The following CBL variants were observed in gnomAD, a reference collection of about 807,000 sequenced individuals.
CBL encodes Cbl proto-oncogene, also known as E3 ubiquitin-protein ligase CBL.
In CBL, 45 loss-of-function variants were observed where a neutral mutation model predicts 96.9. The ratio of observed to expected loss-of-function variants is 0.46; its 90% CI spans 0.37 to 0.60. CBL has a LOEUF of 0.60. Ranked by LOEUF, CBL falls within the 20% of genes least tolerant of loss-of-function variation. The pLI, the probability that CBL is intolerant of heterozygous loss-of-function variation, is 0.00. For synonymous variants in CBL, 420 were observed against 426.8 expected (o/e 0.98, Z 0.20); for missense variants, 1,024 against 1,143.5 (o/e 0.90, Z 1.51).
intron 15 of CBL, 132 bp from the exon 16 acceptor site, chr11:119,299,363 C>T: frequency 2.5e-6 from 2 of 809,484 alleles, no homozygotes; most frequent in Non-Finnish European, 4.0e-6. Context: ...AAAACCCAGC[C>T]TTGTGACTGA....
At chr11:119,293,745 TAAAGA>T (rs1307822837) in intron 12 of CBL, among the ~76,000 whole-genome samples, 1 of 152,200 alleles carries the variant, frequency 6.6e-6, no homozygotes, top group African/African-American at 2.4e-5. Context: ...AAGTAATCTA[TAAAGA>T]AAAGAAGTTT....
Position 119,299,932 on chromosome 11 carries a change from A to C in CBL, c.*151A>C. On this transcript the variant is annotated 3_prime_UTR_variant, in exon 16 of 16. Transcript: ENST00000264033. ...TCACATCAGTGGTTCCAAGATTTCA[A>C]AGTGGTGAAATGAAAATGGAGCAGC... The C allele has an allele frequency of 2.5e-6, 2 of 790,910 alleles. No individual in the cohort carries two copies. The highest frequency in any genetic ancestry group is 1.4e-5 in the South Asian group (1 of 69,766). 49.0% of individuals were successfully genotyped at this position (790,910 alleles called of 1,614,324 possible). A position where few individuals can be genotyped will look rare whatever the true frequency, so the allele number is the denominator to read the frequency against.
chr11:119,268,007 A>G (rs978931805), intron 2 of CBL, among the ~76,000 whole-genome samples: 3 of 152,228 alleles, frequency 2.0e-5, no homozygotes, highest in African/African-American at 7.2e-5. Flanking sequence ...CGAGAAACAA[A>G]GAAGAGAGGC....
At chr11:119,244,857 A>G (rs1949613962) in intron 2 of CBL, among the ~76,000 whole-genome samples, 1 of 150,092 alleles carries the variant, frequency 6.7e-6, no homozygotes, top group Non-Finnish European at 1.5e-5. Context: ...TGGCCTGTTT[A>G]TTTTTGTGAG....
At chr11:119,274,777 C>A (rs2135300241) in intron 4 of CBL, 55 bp from the exon 5 acceptor site, 2 of 1,560,154 alleles carry the variant, frequency 1.3e-6, no homozygotes, top group Non-Finnish European at 1.8e-6. Flanking sequence ...TCATTGCCCT[C>A]TGAGTTGGTT....
At chr11:119,274,668 G>T (rs1251421964) in intron 4 of CBL, among the ~76,000 whole-genome samples, 164 bp from the exon 5 acceptor site, 1 of 151,450 alleles carries the variant, frequency 6.6e-6, no homozygotes, top group African/African-American at 2.4e-5. Context: ...GCTTTTCAGA[G>T]TTTTTAATCT....
chr11:119,207,183 T>C lies in CBL; in HGVS notation c.195+571T>C, dbSNP rs75540920. Among the ~76,000 whole-genome samples the C allele has an allele frequency of 5.9e-3, 891 of 152,244 alleles. 10 individuals are homozygous for C. The highest frequency in any genetic ancestry group is 0.02 in the African/African-American group (845 of 41,532). On this transcript the variant is annotated intron_variant, in intron 1 of 15. Transcript: ENST00000264033. ...ATGTAACACGAAGATAAAAGACATA[T>C]TGATGTTTAAGTGAGGCAAGGAAAG...
chr11:119,233,455 A>AACTCCTGACTTCAGGTGATCTGCCCGC (rs1273322167), intron 2 of CBL, among the ~76,000 whole-genome samples: 8 of 152,118 alleles, frequency 5.3e-5, no homozygotes, highest in Non-Finnish European at 8.8e-5. Context: ...GCTGGTCTCG[A>AACTCCTGACTTCAGGTGATCTGCCCGC]ACTCCTGACT....
chr11:119,297,109 C>T, intron 13 of CBL, 75 bp downstream of exon 13: 2 of 826,470 alleles, frequency 2.4e-6, no homozygotes, highest in Admixed American at 1.7e-5. Context: ...GCTTGGCTTG[C>T]TACCTGCACA....
intron 12 of CBL, among the ~76,000 whole-genome samples, chr11:119,295,015 A>G (rs891373263): frequency 8.5e-5 from 13 of 152,312 alleles, no homozygotes; most frequent in Admixed American, 7.8e-4. Context: ...TTATTTCACG[A>G]TTATACATCA....
At chr11:119,225,153 G>A (rs1270691295) in intron 1 of CBL, among the ~76,000 whole-genome samples, 1 of 151,880 alleles carries the variant, frequency 6.6e-6, no homozygotes, top group Non-Finnish European at 1.5e-5. Context: ...TATGAGTGCA[G>A]TGGCGTGATC....
chr11:119,227,065 A>G (rs1949464820), intron 1 of CBL, among the ~76,000 whole-genome samples: 1 of 152,192 alleles, frequency 6.6e-6, no homozygotes, highest in Non-Finnish European at 1.5e-5. Context: ...TTTCGACTTT[A>G]TGATGGTGCA....
chr11:119,228,163 T>G (rs943996392), intron 1 of CBL, among the ~76,000 whole-genome samples: 6 of 152,126 alleles, frequency 3.9e-5, no homozygotes, highest in African/African-American at 1.4e-4. Context: ...TTGCCCAGGC[T>G]AGAATATGGT....
intron 11 of CBL, among the ~76,000 whole-genome samples, chr11:119,286,075 G>A (rs1949982865): frequency 6.6e-6 from 1 of 152,150 alleles, no homozygotes; most frequent in Admixed American, 6.5e-5. Flanking sequence ...GAGGCGGGTG[G>A]ATCACCTGAG....
At chr11:119,235,359 C>G (rs993707029) in intron 2 of CBL, among the ~76,000 whole-genome samples, 1 of 151,778 alleles carries the variant, frequency 6.6e-6, no homozygotes, top group Admixed American at 6.6e-5. Flanking sequence ...AAGTGATCCG[C>G]CCGCCTTGGC....
rs140313356 is a variant in CBL at position 119,303,359 on chromosome 11, A to T, written c.*3578A>T. 6.0e-4 allele frequency: 140 copies of T among 233,468 alleles called. 1 individual carries two copies. Among genetic ancestry groups the T allele is most frequent in the Non-Finnish European group, 8.5e-4 (100 of 117,928 alleles). 14.5% of individuals were successfully genotyped at this position (233,468 alleles called of 1,614,324 possible). A position where few individuals can be genotyped will look rare whatever the true frequency, so the allele number is the denominator to read the frequency against. On this transcript the variant is annotated 3_prime_UTR_variant, in exon 16 of 16. Transcript: ENST00000264033. ...TTCTGACTATTGGTCTGGCTCTAAC[A>T]GTTTGTTTGTTCATCCAGCAAATGT...
intron 2 of CBL, among the ~76,000 whole-genome samples, chr11:119,242,760 AAG>A (rs1491329949): frequency 2.6e-5 from 4 of 151,044 alleles, no homozygotes; most frequent in Admixed American, 6.6e-5. Flanking sequence ...AAAAAAAAAA[AAG>A]AAACCAGTTT....
intron 2 of CBL, among the ~76,000 whole-genome samples, chr11:119,253,025 T>C: frequency 6.6e-6 from 1 of 152,138 alleles, no homozygotes; most frequent in East Asian, 1.9e-4. Flanking sequence ...CACACTTACG[T>C]GTCAGTAGAT....
At chr11:119,284,780 C>A (rs995161690) in intron 9 of CBL, among the ~76,000 whole-genome samples, 189 bp from the exon 10 acceptor site, 4 of 152,068 alleles carry the variant, frequency 2.6e-5, no homozygotes, top group Admixed American at 1.3e-4. Context: ...TATGGTGACA[C>A]AAAAATTATT....
Sources: allele counts gnomAD v4.1 joint callset (sites outside exome capture counted in the v4.1 genomes callset), GRCh38; gene constraint gnomAD v4.1.1; transcripts MANE v1.5; gene names NCBI Gene and HGNC (gene_info 2026-07-23, HGNC 2026-07-21).